The following ROR2 variants were observed in gnomAD, a reference collection of about 807,000 sequenced individuals.
ROR2 encodes the protein ROR family WNT receptor 2, also known as tyrosine-protein kinase transmembrane receptor ROR2.
Under a neutral mutation model 74.9 loss-of-function variants are expected in ROR2, and 33 were observed. The ratio of observed to expected loss-of-function variants is 0.44; its 90% CI spans 0.33 to 0.59. The LOEUF is 0.59. Among genes scored for constraint, ROR2 ranks in the 20% least tolerant of loss-of-function variants. The pLI, the probability that ROR2 is intolerant of heterozygous loss-of-function variation, is 0.02. For missense variants in ROR2, 1,216 were observed against 1,313.8 expected (o/e 0.93, Z 1.15); for synonymous variants, 586 against 558.7 (o/e 1.05, Z -0.69).
chr9:91,746,652 G>C (rs1250048273), intron 4 of ROR2, among the ~76,000 whole-genome samples: 1 of 152,104 alleles, frequency 6.6e-6, no homozygotes, highest in Non-Finnish European at 1.5e-5. Flanking sequence ...TATGGGGCTG[G>C]AGCTGGGGAG....
chr9:91,929,483 A>G (rs1215938954), intron 1 of ROR2, among the ~76,000 whole-genome samples: 1 of 152,242 alleles, frequency 6.6e-6, no homozygotes, highest in Non-Finnish European at 1.5e-5. Flanking sequence ...TCCATCCCAC[A>G]CAGCCAATGT....
At chr9:91,856,983 C>A (rs766879623) in intron 1 of ROR2, among the ~76,000 whole-genome samples, 1 of 152,248 alleles carries the variant, frequency 6.6e-6, no homozygotes, top group Non-Finnish European at 1.5e-5. Flanking sequence ...TGGTAAGTGG[C>A]AGGGCCCCTG....
chr9:91,800,542 CT>C (rs1827340761), intron 1 of ROR2, among the ~76,000 whole-genome samples: 1 of 152,048 alleles, frequency 6.6e-6, no homozygotes, highest in South Asian at 2.1e-4. Flanking sequence ...GGAGCAATTT[CT>C]TTGTGGCCCC....
At chr9:91,929,752 G>C (rs1831502002) in intron 1 of ROR2, among the ~76,000 whole-genome samples, 1 of 152,058 alleles carries the variant, frequency 6.6e-6, no homozygotes, top group Non-Finnish European at 1.5e-5. Context: ...AACAAATCAA[G>C]AGTGGGCACC....
intron 1 of ROR2, among the ~76,000 whole-genome samples, chr9:91,847,345 C>G (rs1445134231): frequency 3.3e-5 from 5 of 152,176 alleles, no homozygotes; most frequent in Non-Finnish European, 7.4e-5. Context: ...TACCATCTCC[C>G]CAAATTCCAG....
intron 7 of ROR2, among the ~76,000 whole-genome samples, chr9:91,730,377 G>A (rs1241495882): frequency 6.6e-6 from 1 of 152,194 alleles, no homozygotes; most frequent in Non-Finnish European, 1.5e-5. Flanking sequence ...GGGGTGATCT[G>A]ACATTACTCT....
At chr9:91,766,820 C>T (rs1031684169) in intron 2 of ROR2, among the ~76,000 whole-genome samples, 1 of 152,224 alleles carries the variant, frequency 6.6e-6, no homozygotes, top group African/African-American at 2.4e-5. Flanking sequence ...GGGCAGCACT[C>T]ACACTCCATA....
intron 1 of ROR2, among the ~76,000 whole-genome samples, chr9:91,791,625 T>C (rs1330333079): frequency 1.3e-5 from 2 of 152,184 alleles, no homozygotes; most frequent in Non-Finnish European, 2.9e-5. Context: ...GAGACATAGA[T>C]AATTCAACAA....
At chr9:91,859,892 G>A (rs140054276) in intron 1 of ROR2, among the ~76,000 whole-genome samples, 193 of 152,278 alleles carry the variant, frequency 1.3e-3, no homozygotes, top group African/African-American at 4.4e-3. Flanking sequence ...TCCACCTGGC[G>A]GGACCATCAC....
chr9:91,847,074 G>A (rs926982034), intron 1 of ROR2, among the ~76,000 whole-genome samples: 8 of 152,132 alleles, frequency 5.3e-5, no homozygotes, highest in African/African-American at 9.7e-5. Context: ...GGATTGGGCC[G>A]GGGGGAAATG....
intron 1 of ROR2, among the ~76,000 whole-genome samples, chr9:91,921,881 G>C (rs1032608232): frequency 2.8e-5 from 4 of 143,256 alleles, no homozygotes; most frequent in African/African-American, 1.0e-4. Context: ...AAAAGTAAAT[G>C]AAACTCTAAC....
chr9:91,819,474 CTT>C (rs764817315), intron 1 of ROR2, among the ~76,000 whole-genome samples: 9 of 151,130 alleles, frequency 6.0e-5, no homozygotes, highest in Non-Finnish European at 1.0e-4. Flanking sequence ...CTGTGTGTCT[CTT>C]TGTGTATCTT....
chr9:91,814,874 A>C (rs1413609224), intron 1 of ROR2, among the ~76,000 whole-genome samples: 1 of 152,138 alleles, frequency 6.6e-6, no homozygotes, highest in African/African-American at 2.4e-5. Flanking sequence ...AAACAAAGAC[A>C]ACCCAGCTGA....
At chr9:91,864,038 A>AT (rs560206203) in intron 1 of ROR2, among the ~76,000 whole-genome samples, 63 of 152,310 alleles carry the variant, frequency 4.1e-4, no homozygotes, top group African/African-American at 1.1e-3. Context: ...AAAGTGGAAA[A>AT]TAAGGTGGGT....
At chr9:91,864,156 A>G (rs1157924124) in intron 1 of ROR2, among the ~76,000 whole-genome samples, 1 of 152,174 alleles carries the variant, frequency 6.6e-6, no homozygotes, top group Non-Finnish European at 1.5e-5. Flanking sequence ...TTCCTTTTCC[A>G]CTGCACACCT....
chr9:91,839,413 G>C (rs929778180), intron 1 of ROR2, among the ~76,000 whole-genome samples: 4 of 150,922 alleles, frequency 2.7e-5, no homozygotes, highest in African/African-American at 9.8e-5. Flanking sequence ...GTGTGGGTCT[G>C]TGGGGTGTGT....
At chr9:91,891,252 CTT>C (rs59835723) in intron 1 of ROR2, among the ~76,000 whole-genome samples, 4,466 of 136,796 alleles carry the variant, frequency 0.033, 93 homozygotes, top group South Asian at 0.06. Flanking sequence ...CTGTTCCTTT[CTT>C]TTTTTTTTTT....
intron 1 of ROR2, among the ~76,000 whole-genome samples, chr9:91,818,331 C>CT (rs1240857496): frequency 3.9e-5 from 6 of 152,004 alleles, no homozygotes; most frequent in Admixed American, 6.6e-5. Flanking sequence ...AAATACTAAA[C>CT]TTTTTTTTGC....
chr9:91,865,237 G>A (rs1205443550), intron 1 of ROR2, among the ~76,000 whole-genome samples: 2 of 152,178 alleles, frequency 1.3e-5, no homozygotes, highest in African/African-American at 4.8e-5. Flanking sequence ...AAGCCCATCA[G>A]CTGGCAGGTT....
Sources: gnomAD v4.1 joint callset for allele counts (sites outside exome capture counted in the v4.1 genomes callset) on GRCh38, gnomAD v4.1.1 for gene constraint, MANE v1.5 for transcripts, NCBI Gene and HGNC (gene_info 2026-07-23, HGNC 2026-07-21) for gene names.